Variants in GLI3 observed in about 807,000 individuals in gnomAD.
GLI3 encodes transcription activator GLI3.
A neutral mutation model predicts 100.8 loss-of-function variants in GLI3; 20 were observed. The observed-to-expected ratio is 0.20, with a 90% CI of 0.14 to 0.29. GLI3 has a LOEUF of 0.29. GLI3 is among the 10% of genes least tolerant of loss of function. GLI3 has a pLI of 1.00. For synonymous variants in GLI3, 938 were observed against 860.5 expected (o/e 1.09, Z -1.58); for missense variants, 2,040 against 2,128.5 (o/e 0.96, Z 0.82).
intron 4 of GLI3, among the ~76,000 whole-genome samples, chr7:42,050,722 G>C (rs952836428): frequency 3.9e-5 from 6 of 152,162 alleles, no homozygotes; most frequent in African/African-American, 1.2e-4. Context: ...GAATAACTTG[G>C]TCTGAGCAAC....
chr7:42,205,253 C>A (rs1206463259), intron 2 of GLI3, among the ~76,000 whole-genome samples: 2 of 152,296 alleles, frequency 1.3e-5, no homozygotes, highest in East Asian at 3.9e-4. Flanking sequence ...TACCTTCTCT[C>A]TTTGATTTGA....
chr7:42,132,828 A>G (rs1182260127), intron 3 of GLI3, among the ~76,000 whole-genome samples: 1 of 152,208 alleles, frequency 6.6e-6, no homozygotes, highest in African/African-American at 2.4e-5. Context: ...TTGATTTTGT[A>G]AAGCATTTAG....
At chr7:42,182,658 A>ATATATATATACATGTG (rs1554337019) in intron 2 of GLI3, among the ~76,000 whole-genome samples, 4 of 56,052 alleles carry the variant, frequency 7.1e-5, no homozygotes, top group Non-Finnish European at 1.4e-4. Flanking sequence ...ATATATATAT[A>ATATATATATACATGTG]TATATATATA....
At chr7:42,054,534 T>A (rs893225009) in intron 4 of GLI3, among the ~76,000 whole-genome samples, 8 of 152,180 alleles carry the variant, frequency 5.3e-5, no homozygotes, top group Admixed American at 5.2e-4. Context: ...TAAGCTTATT[T>A]TTTGTTTTTT....
intron 6 of GLI3, among the ~76,000 whole-genome samples, chr7:42,041,245 G>T (rs1784130092): frequency 6.6e-6 from 1 of 152,172 alleles, no homozygotes. Flanking sequence ...CACTGATGGA[G>T]TCTTAACCTG....
At chr7:42,176,115 C>G (rs111802075) in intron 2 of GLI3, among the ~76,000 whole-genome samples, 1 of 152,088 alleles carries the variant, frequency 6.6e-6, no homozygotes, top group South Asian at 2.1e-4. Flanking sequence ...GCATGGTGAC[C>G]GAAACAGGGA....
At chr7:42,169,451 C>T (rs6963356) in intron 2 of GLI3, among the ~76,000 whole-genome samples, 20,918 of 151,910 alleles carry the variant, frequency 0.14, 3,467 homozygotes, top group African/African-American at 0.39. Context: ...TGGTATCAAA[C>T]GAAAAAGTGC....
chr7:42,072,666 A>T (rs1374685006), intron 4 of GLI3, among the ~76,000 whole-genome samples: 3 of 152,204 alleles, frequency 2.0e-5, no homozygotes, highest in African/African-American at 4.8e-5. Flanking sequence ...GTTCCCATAG[A>T]ATACAGTAGT....
At chr7:42,072,492 A>G (rs1218087021) in intron 4 of GLI3, among the ~76,000 whole-genome samples, 1 of 152,210 alleles carries the variant, frequency 6.6e-6, no homozygotes, top group Non-Finnish European at 1.5e-5. Flanking sequence ...AAAAACACAC[A>G]CTCAAAATGC....
At chr7:42,213,135 AT>A in intron 2 of GLI3, among the ~76,000 whole-genome samples, 1 of 152,218 alleles carries the variant, frequency 6.6e-6, no homozygotes, top group Non-Finnish European at 1.5e-5. Context: ...CATTTTCCCC[AT>A]TATGATGCGC....
intron 4 of GLI3, among the ~76,000 whole-genome samples, chr7:42,064,063 G>A (rs1784625744): frequency 6.6e-6 from 1 of 152,174 alleles, no homozygotes; most frequent in African/African-American, 2.4e-5. Context: ...AGGTCACACT[G>A]GTGGCTGCAG....
intron 3 of GLI3, among the ~76,000 whole-genome samples, chr7:42,092,137 C>G (rs371529077): frequency 6.6e-6 from 1 of 152,186 alleles, no homozygotes; most frequent in East Asian, 1.9e-4. Flanking sequence ...ATCTGCCCTG[C>G]GGCCAAGGAC....
At chr7:42,012,215 A>G (rs1424602516) in intron 10 of GLI3, among the ~76,000 whole-genome samples, 1 of 152,164 alleles carries the variant, frequency 6.6e-6, no homozygotes, top group African/African-American at 2.4e-5. Context: ...TTTTTATTTA[A>G]TCAATAATTT....
At chr7:42,011,161 G>T (rs1254240385) in intron 10 of GLI3, among the ~76,000 whole-genome samples, 3 of 152,188 alleles carry the variant, frequency 2.0e-5, no homozygotes, top group Non-Finnish European at 4.4e-5. Context: ...GGAGTTATTT[G>T]CTGGGTAATG....
rs754367724 is a variant in GLI3 at position 42,025,249 on chromosome 7, G to C, written c.1356+15C>G. 6.4e-7 allele frequency: 1 copy of C among 1,560,344 alleles called. No homozygotes were observed. Among genetic ancestry groups the C allele is most frequent in the Non-Finnish European group, 8.8e-7 (1 of 1,131,308 alleles). ...GGAGGAGTGGGCGCTGGCCTGTGCG[G>C]CCTCGGTGTCCTACCTGCTGCCCCC... is the stretch of plus-strand genomic sequence containing the variant. On this transcript the variant is annotated intron_variant, in intron 9 of 14. Transcript: ENST00000395925.
intron 3 of GLI3, among the ~76,000 whole-genome samples, chr7:42,102,521 T>C (rs1252502581): frequency 1.3e-5 from 2 of 152,228 alleles, no homozygotes; most frequent in African/African-American, 2.4e-5. Flanking sequence ...TCAGTTTCTG[T>C]TGCATGTAAC....
chr7:42,021,528 C>G (rs1369096076), intron 10 of GLI3, among the ~76,000 whole-genome samples: 1 of 152,224 alleles, frequency 6.6e-6, no homozygotes, highest in African/African-American at 2.4e-5. Flanking sequence ...CTTTTAAAAG[C>G]TTTCACATTA....
chr7:41,978,586 C>A lies in GLI3; in HGVS notation c.1647+13G>T. The A allele has an allele frequency of 6.2e-7, 1 of 1,614,028 alleles. No individual in the cohort carries two copies. The highest frequency in any genetic ancestry group is 1.1e-5 in the South Asian group (1 of 91,068). On this transcript the variant is annotated intron_variant, in intron 11 of 14. Transcript: ENST00000395925. Reference sequence around the variant, plus strand: ...AGGACCCAAGTGTGCCTGCCACCCACTTCTGTACTCACAGTGCATTTGTGA... The same window carrying A: ...AGGACCCAAGTGTGCCTGCCACCCAATTCTGTACTCACAGTGCATTTGTGA...
intron 3 of GLI3, among the ~76,000 whole-genome samples, chr7:42,097,936 T>C (rs60290390): frequency 0.11 from 16,451 of 152,150 alleles, 976 homozygotes; most frequent in African/African-American, 0.16. Context: ...TTCTGAGAAC[T>C]TACTGGCCTT....
Sources: gnomAD v4.1 joint callset for allele counts (sites outside exome capture counted in the v4.1 genomes callset) on GRCh38, gnomAD v4.1.1 for gene constraint, MANE v1.5 for transcripts, NCBI Gene and HGNC (gene_info 2026-07-23, HGNC 2026-07-21) for gene names.